The following TDRD9 variants were observed in gnomAD, a reference collection of about 807,000 sequenced individuals.
The protein encoded by TDRD9 is tudor domain containing 9.
In TDRD9, 124 loss-of-function variants were observed where a neutral mutation model predicts 172.6. The observed-to-expected ratio is 0.72, with a 90% CI of 0.62 to 0.83. The LOEUF (loss-of-function observed/expected upper bound fraction) is 0.83, where lower values mean the gene tolerates loss of function less well. Among genes scored for constraint, TDRD9 ranks in the 40% least tolerant of loss-of-function variants. TDRD9 has a pLI of 0.00. For missense variants in TDRD9, 1,479 were observed against 1,714.1 expected (o/e 0.86, Z 2.42); for synonymous variants, 619 against 617.1 (o/e 1.00, Z -0.05).
At chr14:104,049,884 C>T (rs778411665) in intron 35 of TDRD9, 14 of 511,236 alleles carry the variant, frequency 2.7e-5, no homozygotes, top group Admixed American at 6.9e-5. Context: ...TGTGATGTCC[C>T]GGCAAAGAGT....
At chr14:103,941,059 A>G (rs1432128485) in intron 1 of TDRD9, 8 of 1,535,320 alleles carry the variant, frequency 5.2e-6, no homozygotes, top group Non-Finnish European at 5.2e-6. Context: ...GATGTAGACT[A>G]TTTCCCATGG....
At position 103,994,507 on chromosome 14, in the gene TDRD9, GTAATTTCTTAGGTTGCAGGTC is replaced by G. The variant is rs752546867; in HGVS notation, c.1236-9_1247del. The G allele has an allele frequency of 6.2e-7, 1 of 1,612,644 alleles. No homozygotes were observed. Among genetic ancestry groups the G allele is most frequent in the Non-Finnish European group, 8.5e-7 (1 of 1,179,124 alleles). ...TATTCTTTATGGAGATTTTATTTTA[GTAATTTCTTAGGTTGCAGGTC>G]TATCCACTCCATTCAAGTGTGGCTT... On this transcript the variant is annotated splice_acceptor_variant and splice_polypyrimidine_tract_variant and coding_sequence_variant and intron_variant, in exon 11 of 36. Transcript: ENST00000409874. LOFTEE classifies it high-confidence loss of function.
intron 2 of TDRD9, among the ~76,000 whole-genome samples, chr14:103,956,846 A>G (rs749392895): frequency 2.6e-5 from 4 of 152,134 alleles, no homozygotes; most frequent in Non-Finnish European, 4.4e-5. Flanking sequence ...TACTAGCACC[A>G]GGCCCTATTC....
intron 23 of TDRD9, among the ~76,000 whole-genome samples, chr14:104,020,147 T>A (rs1373633283): frequency 6.6e-6 from 1 of 152,216 alleles, no homozygotes; most frequent in Non-Finnish European, 1.5e-5. Flanking sequence ...TCTGGCAGAC[T>A]GATGAGTGTG....
chr14:103,945,602 A>G (rs868017217), intron 1 of TDRD9: 1 of 152,328 alleles, frequency 6.6e-6, no homozygotes, highest in South Asian at 2.1e-4. Context: ...ATGAATTGCA[A>G]ACTTCCTAGG....
At chr14:104,030,087 T>G (rs79962294) in intron 28 of TDRD9, among the ~76,000 whole-genome samples, 3 of 152,140 alleles carry the variant, frequency 2.0e-5, no homozygotes, top group African/African-American at 7.2e-5. Context: ...TAAAAACACT[T>G]CAGGGAATTA....
chr14:104,039,509 GA>G (rs2152262699), intron 32 of TDRD9, among the ~76,000 whole-genome samples: 1 of 152,316 alleles, frequency 6.6e-6, no homozygotes, highest in South Asian at 2.1e-4. Context: ...TATTTGTTTT[GA>G]AAAGCTACTC....
At chr14:103,941,671 AT>A (rs779279346) in intron 1 of TDRD9, 142 of 1,520,410 alleles carry the variant, frequency 9.3e-5, no homozygotes, top group Non-Finnish European at 1.2e-4. Flanking sequence ...TTTTTGGGCC[AT>A]TTCATCCAGC....
chr14:103,941,324 GT>G (rs2031216916), intron 1 of TDRD9: 2 of 1,148,826 alleles, frequency 1.7e-6, no homozygotes, highest in Non-Finnish European at 2.4e-6. Context: ...ATAGAATACA[GT>G]TTCTAGTCAA....
chr14:103,941,415 G>T (rs1461965887), intron 1 of TDRD9: 1 of 1,534,854 alleles, frequency 6.5e-7, no homozygotes, highest in Non-Finnish European at 8.7e-7. Flanking sequence ...AATAGTTCCA[G>T]TTTGGCAAGG....
At chr14:103,995,675 G>T in intron 11 of TDRD9, 75 bp from the exon 12 acceptor site, 1 of 1,325,176 alleles carries the variant, frequency 7.5e-7, no homozygotes, top group Non-Finnish European at 1.0e-6. Flanking sequence ...AATAATTTTT[G>T]CATTTTTGTA....
At chr14:103,984,166 C>G (rs933111275) in intron 7 of TDRD9, among the ~76,000 whole-genome samples, 2 of 152,188 alleles carry the variant, frequency 1.3e-5, no homozygotes, top group African/African-American at 4.8e-5. Flanking sequence ...GGAAAATTTG[C>G]AGCCTGACAA....
intron 32 of TDRD9, among the ~76,000 whole-genome samples, chr14:104,037,347 C>T (rs2035481903): frequency 6.6e-6 from 1 of 152,192 alleles, no homozygotes; most frequent in Non-Finnish European, 1.5e-5. Context: ...GACTCGTCTC[C>T]TGTTCGGGTG....
intron 9 of TDRD9, among the ~76,000 whole-genome samples, chr14:103,993,571 T>A (rs73354483): frequency 0.015 from 2,268 of 152,278 alleles, 65 homozygotes; most frequent in African/African-American, 0.052. Flanking sequence ...CCATGCTCTT[T>A]CTGAGCCTCT....
intron 2 of TDRD9, among the ~76,000 whole-genome samples, chr14:103,962,235 C>T (rs2032541621): frequency 6.6e-6 from 1 of 152,176 alleles, no homozygotes; most frequent in Admixed American, 6.5e-5. Context: ...TTATTTATTG[C>T]TATCACTGAT....
chr14:103,988,943 A>T (rs1261039220), intron 8 of TDRD9, among the ~76,000 whole-genome samples: 1 of 152,066 alleles, frequency 6.6e-6, no homozygotes, highest in Non-Finnish European at 1.5e-5. Context: ...TTATTAACTA[A>T]TTACCTTTAC....
chr14:104,052,183 C>T lies in TDRD9; in HGVS notation c.*101C>T, dbSNP rs536098426. ...GACTTTCCTCTGTGTCTGGGTGTTA[C>T]AGTCTGTGCCCACTGCATCCTAAAG... On this transcript the variant is annotated 3_prime_UTR_variant, in exon 36 of 36. Coordinates refer to ENST00000409874, the MANE Select transcript of TDRD9 (RefSeq NM_153046.3). 4.0e-6 allele frequency: 3 copies of T among 756,938 alleles called. No homozygotes were observed. The highest frequency in any genetic ancestry group is 2.8e-5 in the East Asian group (1 of 35,862). 46.9% of individuals were successfully genotyped at this position (756,938 alleles called of 1,614,324 possible). A position where few individuals can be genotyped will look rare whatever the true frequency, so the allele number is the denominator to read the frequency against.
At chr14:104,021,358 A>AATTTATATCACTTGGCAG (rs2034949719) in intron 23 of TDRD9, among the ~76,000 whole-genome samples, 1 of 152,092 alleles carries the variant, frequency 6.6e-6, no homozygotes, top group Non-Finnish European at 1.5e-5. Context: ...TCACTTGGCA[A>AATTTATATCACTTGGCAG]TCAATTTATA....
At chr14:104,034,183 CTTTTTTTTTCTTTT>C in intron 31 of TDRD9, 114 bp downstream of exon 31, 3 of 217,522 alleles carry the variant, frequency 1.4e-5, no homozygotes, top group East Asian at 1.7e-4. Flanking sequence ...ATGTACTATT[CTTTTTTTTTCTTTT>C]TTTTTTTTTT....
Sources: gnomAD v4.1 joint callset for allele counts (sites outside exome capture counted in the v4.1 genomes callset) on GRCh38, gnomAD v4.1.1 for gene constraint, MANE v1.5 for transcripts, NCBI Gene and HGNC (gene_info 2026-07-23, HGNC 2026-07-21) for gene names.